Variants in RABGAP1L observed in about 807,000 individuals in gnomAD.
The protein encoded by RABGAP1L is RAB GTPase activating protein 1 like, also known as rab GTPase-activating protein 1-like.
RABGAP1L carries 63 observed loss-of-function variants against 137.7 expected under a neutral mutation model. The ratio of observed to expected loss-of-function variants is 0.46; its 90% CI spans 0.37 to 0.56. The LOEUF (loss-of-function observed/expected upper bound fraction) is 0.56, where lower values mean the gene tolerates loss of function less well. Ranked by LOEUF, RABGAP1L falls within the 20% of genes least tolerant of loss-of-function variation. The pLI is 0.00. For synonymous variants in RABGAP1L, 431 were observed against 433.7 expected (o/e 0.99, Z 0.08); for missense variants, 1,095 against 1,244.0 (o/e 0.88, Z 1.80).
At chr1:174,318,204 G>A (rs1571190981) in intron 11 of RABGAP1L, among the ~76,000 whole-genome samples, 2 of 152,208 alleles carry the variant, frequency 1.3e-5, no homozygotes, top group South Asian at 4.2e-4. Context: ...AATTGGTGAA[G>A]CTTTCTATTC....
At chr1:174,479,295 G>A (rs925867344) in intron 13 of RABGAP1L, among the ~76,000 whole-genome samples, 2 of 152,156 alleles carry the variant, frequency 1.3e-5, no homozygotes, top group African/African-American at 4.8e-5. Flanking sequence ...TTTGCCCAGT[G>A]TTACAGGTCT....
chr1:174,510,436 C>T (rs988494146), intron 13 of RABGAP1L, among the ~76,000 whole-genome samples: 1 of 152,168 alleles, frequency 6.6e-6, no homozygotes, highest in African/African-American at 2.4e-5. Flanking sequence ...AGATACATTT[C>T]ATGAGACTCA....
chr1:174,889,724 AC>A (rs1042751956), intron 19 of RABGAP1L, among the ~76,000 whole-genome samples: 1 of 151,364 alleles, frequency 6.6e-6, no homozygotes, highest in African/African-American at 2.4e-5. Context: ...AACCACTGTG[AC>A]CAGCCTTTCT....
intron 13 of RABGAP1L, among the ~76,000 whole-genome samples, chr1:174,597,067 C>G (rs1196503072): frequency 6.6e-6 from 1 of 152,088 alleles, no homozygotes; most frequent in Non-Finnish European, 1.5e-5. Flanking sequence ...GGATAAATCT[C>G]AGTTGATCAT....
intron 13 of RABGAP1L, among the ~76,000 whole-genome samples, chr1:174,550,909 TAC>T (rs1159259220): frequency 1.9e-4 from 9 of 46,284 alleles, no homozygotes; most frequent in African/African-American, 3.1e-4. Flanking sequence ...CACACACATA[TAC>T]ACACACACAC....
intron 14 of RABGAP1L, among the ~76,000 whole-genome samples, chr1:174,668,832 GT>G (rs1253490908): frequency 6.6e-6 from 1 of 152,050 alleles, no homozygotes; most frequent in African/African-American, 2.4e-5. Flanking sequence ...TCTCATTGTG[GT>G]TTTGATTTGC....
At chr1:174,240,499 C>G (rs1571728663) in intron 4 of RABGAP1L, among the ~76,000 whole-genome samples, 3 of 152,182 alleles carry the variant, frequency 2.0e-5, no homozygotes, top group Admixed American at 2.0e-4. Context: ...CCACCCATCT[C>G]GACCTCCTAA....
chr1:174,439,461 A>C (rs542548304), intron 13 of RABGAP1L, among the ~76,000 whole-genome samples: 6 of 152,328 alleles, frequency 3.9e-5, no homozygotes, highest in Non-Finnish European at 8.8e-5. Context: ...GTACATTTAA[A>C]GTGCATTGGT....
chr1:174,728,796 C>T (rs1558024613), intron 17 of RABGAP1L, among the ~76,000 whole-genome samples: 2 of 152,058 alleles, frequency 1.3e-5, no homozygotes, highest in African/African-American at 2.4e-5. Context: ...CGCAAGCCAC[C>T]ATGCCCAGTT....
intron 17 of RABGAP1L, among the ~76,000 whole-genome samples, chr1:174,722,843 T>G (rs1354987496): frequency 6.6e-6 from 1 of 152,186 alleles, no homozygotes; most frequent in East Asian, 1.9e-4. Flanking sequence ...CCAATCTTCT[T>G]TCTTCCAAAA....
chr1:174,870,250 T>G (rs1285680867), intron 19 of RABGAP1L, among the ~76,000 whole-genome samples: 2 of 152,234 alleles, frequency 1.3e-5, no homozygotes, highest in Non-Finnish European at 2.9e-5. Context: ...CTCTGGTCAT[T>G]CTAAATTATT....
intron 7 of RABGAP1L, among the ~76,000 whole-genome samples, chr1:174,262,365 T>A (rs1434403965): frequency 6.6e-6 from 1 of 152,232 alleles, no homozygotes; most frequent in African/African-American, 2.4e-5. Flanking sequence ...GAAATACTTT[T>A]AAAATATGAG....
intron 11 of RABGAP1L, among the ~76,000 whole-genome samples, chr1:174,345,169 C>G (rs185025918): frequency 6.6e-6 from 1 of 152,246 alleles, no homozygotes; most frequent in East Asian, 1.9e-4. Context: ...ATGCCAACCC[C>G]ATGCTGTTTT....
chr1:174,206,211 T>C (rs1484058857), intron 1 of RABGAP1L, among the ~76,000 whole-genome samples: 2 of 152,178 alleles, frequency 1.3e-5, no homozygotes, highest in African/African-American at 2.4e-5. Context: ...GAATAAGATG[T>C]TTGAGAATTA....
chr1:174,326,392 T>G (rs540809719), intron 11 of RABGAP1L, among the ~76,000 whole-genome samples: 1 of 151,482 alleles, frequency 6.6e-6, no homozygotes, highest in East Asian at 1.9e-4. Context: ...AATCCTGGAG[T>G]TGAAGGATAT....
At chr1:174,707,578 G>C (rs1244129997) in intron 17 of RABGAP1L, among the ~76,000 whole-genome samples, 4 of 152,110 alleles carry the variant, frequency 2.6e-5, no homozygotes, top group African/African-American at 7.2e-5. Context: ...CATTTTCTTT[G>C]TTTGTGTAAT....
chr1:174,270,199 T>C (rs2148657059), intron 7 of RABGAP1L, among the ~76,000 whole-genome samples: 1 of 151,816 alleles, frequency 6.6e-6, no homozygotes, highest in South Asian at 2.1e-4. Flanking sequence ...GCAGGGCTTT[T>C]TTTTTTTTTC....
rs373780034 is a variant in RABGAP1L at position 174,350,819 on chromosome 1, G to A, written c.1466-20160G>A. ...GGGCACCATTGAGCACTGAGTGAAC[G>A]AGACTCCGTCTGCAATCCCGGCACC... On this transcript the variant is annotated intron_variant, in intron 11 of 25. Coordinates refer to ENST00000681986, the MANE Select transcript of RABGAP1L (RefSeq NM_001366446.1). 1.3e-3 allele frequency among the ~76,000 whole-genome samples: 103 copies of A among 78,052 alleles called. 1 individual carries two copies. Among genetic ancestry groups the A allele is most frequent in the African/African-American group, 5.6e-3 (101 of 18,008 alleles). 51.2% of individuals were successfully genotyped at this position (78,052 alleles called of 152,430 possible).
chr1:174,174,011 T>C (rs541770168), intron 1 of RABGAP1L, among the ~76,000 whole-genome samples: 1 of 152,222 alleles, frequency 6.6e-6, no homozygotes, highest in Non-Finnish European at 1.5e-5. Flanking sequence ...AAATTCTTTA[T>C]AAATAAAGCT....
Sources: gnomAD v4.1 joint callset for allele counts (sites outside exome capture counted in the v4.1 genomes callset) on GRCh38, gnomAD v4.1.1 for gene constraint, MANE v1.5 for transcripts, NCBI Gene and HGNC (gene_info 2026-07-23, HGNC 2026-07-21) for gene names.